Variants in ZNF680 observed in about 807,000 individuals in gnomAD.
The protein encoded by ZNF680 is zinc finger protein 680.
ZNF680 carries 6 observed loss-of-function variants against 12.1 expected under a neutral mutation model. The observed-to-expected ratio is 0.49, with a 90% CI of 0.27 to 0.98. The LOEUF is 0.98. ZNF680 is among the 50% of genes least tolerant of loss of function. The pLI is 0.12. For synonymous variants in ZNF680, 170 were observed against 199.3 expected (o/e 0.85, Z 1.24); for missense variants, 561 against 616.3 (o/e 0.91, Z 0.95).
At chr7:64,552,987 G>A (rs1027317119) in intron 1 of ZNF680, among the ~76,000 whole-genome samples, 8 of 152,094 alleles carry the variant, frequency 5.3e-5, no homozygotes, top group African/African-American at 9.7e-5. Flanking sequence ...CTAGCCAGGC[G>A]TGGTAGCACA....
chr7:64,530,155 T>C (rs6954330), intron 3 of ZNF680, among the ~76,000 whole-genome samples: 34,344 of 152,178 alleles, frequency 0.23, 4,072 homozygotes, highest in South Asian at 0.28. Context: ...AAAAGAGCTC[T>C]AAATCTTGAA....
rs781268020 is a variant in ZNF680 at position 64,563,000 on chromosome 7, G to A, written c.-46C>T. 3 of 1,609,890 alleles carry A rather than the reference G, an allele frequency of 1.9e-6. No homozygotes were observed. Among genetic ancestry groups the A allele is most frequent in the East Asian group, 2.2e-5 (1 of 44,772 alleles). Reference sequence around the variant, plus strand: ...TACCTGCAGATAACGGAGTCACAGAGGCTGGGCCTCTAGGAGCAGAATACA... The same window carrying A: ...TACCTGCAGATAACGGAGTCACAGAAGCTGGGCCTCTAGGAGCAGAATACA... On this transcript the variant is annotated 5_prime_UTR_variant, in exon 1 of 4. Coordinates refer to ENST00000309683, the MANE Select transcript of ZNF680 (RefSeq NM_178558.5).
At position 64,563,040 on chromosome 7, in the gene ZNF680, CTA is replaced by C. The variant is rs1554335710; in HGVS notation, c.-88_-87del. The C allele has an allele frequency of 1.3e-6, 2 of 1,515,812 alleles. No individual in the cohort carries two copies. Among genetic ancestry groups the C allele is most frequent in the Non-Finnish European group, 9.1e-7 (1 of 1,097,134 alleles). 93.9% of individuals were successfully genotyped at this position (1,515,812 alleles called of 1,614,324 possible). On this transcript the variant is annotated 5_prime_UTR_variant, in exon 1 of 4. Coordinates refer to ENST00000309683, the MANE Select transcript of ZNF680 (RefSeq NM_178558.5). ...AGCAGAATACACAGAGCAGTAAAGA[CTA>C]GACCTGGAGCTCCCGCAGCAGCTAG...
At chr7:64,517,653 C>A (rs183362793), downstream of ZNF680, among the ~76,000 whole-genome samples, 24 of 151,828 alleles carry the variant, frequency 1.6e-4, no homozygotes, top group Admixed American at 1.4e-3. Context: ...AAAAAGAAGA[C>A]TACAGACTGA....
intron 3 of ZNF680, among the ~76,000 whole-genome samples, chr7:64,531,475 T>C (rs529942635): frequency 1.2e-4 from 18 of 151,686 alleles, no homozygotes; most frequent in African/African-American, 4.4e-4. Context: ...CGGGTGCCTG[T>C]AGTCCCAGCT....
At chr7:64,525,881 C>G (rs1283962423) in intron 3 of ZNF680, 6 of 984,852 alleles carry the variant, frequency 6.1e-6, no homozygotes, top group Non-Finnish European at 7.2e-6. Flanking sequence ...CAGAAATATA[C>G]AAGTCATAAA....
intron 3 of ZNF680, among the ~76,000 whole-genome samples, chr7:64,536,689 ACTT>A (rs1247320727): frequency 6.6e-6 from 1 of 152,134 alleles, no homozygotes; most frequent in Admixed American, 6.6e-5. Flanking sequence ...CTCATAAAAA[ACTT>A]CTCAGTCAAA....
chr7:64,519,629 T>C (rs545481475), downstream of ZNF680, among the ~76,000 whole-genome samples: 1 of 152,026 alleles, frequency 6.6e-6, no homozygotes, highest in African/African-American at 2.4e-5. Context: ...GGTAATGTGA[T>C]GCCTCCAGAT....
intron 1 of ZNF680, among the ~76,000 whole-genome samples, 171 bp downstream of exon 1, chr7:64,562,754 C>T (rs779398243): frequency 6.6e-6 from 1 of 152,194 alleles, no homozygotes; most frequent in Non-Finnish European, 1.5e-5. Flanking sequence ...GGCTGTCAGC[C>T]CAGCCGCCAT....
At chr7:64,537,536 G>GA (rs976611183) in intron 3 of ZNF680, among the ~76,000 whole-genome samples, 5 of 150,818 alleles carry the variant, frequency 3.3e-5, no homozygotes, top group Non-Finnish European at 5.9e-5. Context: ...AAACAACCAT[G>GA]AAAAAAAAGC....
At chr7:64,502,299 C>T in the ZNF680 span, among the ~76,000 whole-genome samples, 1 of 152,162 alleles carries the variant, frequency 6.6e-6, no homozygotes, top group East Asian at 1.9e-4. Flanking sequence ...GCATGAGCCA[C>T]CTTGCCCGGC....
downstream of ZNF680, among the ~76,000 whole-genome samples, chr7:64,517,167 G>T (rs374392703): frequency 1.1e-3 from 164 of 151,870 alleles, 1 homozygote; most frequent in African/African-American, 3.8e-3. Context: ...CATAAACCTG[G>T]TTTTTTAAAG....
chr7:64,526,419 G>A (rs1791846209), intron 3 of ZNF680: 1 of 1,492,180 alleles, frequency 6.7e-7, no homozygotes. Flanking sequence ...GCCTGGCAAA[G>A]TGGATTATTT....
the ZNF680 span, among the ~76,000 whole-genome samples, chr7:64,506,686 AATT>A: frequency 6.6e-6 from 1 of 152,148 alleles, no homozygotes; most frequent in Non-Finnish European, 1.5e-5. Context: ...AATTTCTAAA[AATT>A]TTTTATTTAA....
At chr7:64,500,902 T>TG in the ZNF680 span, 1 of 594,220 alleles carries the variant, frequency 1.7e-6, no homozygotes, top group Non-Finnish European at 3.3e-6. Flanking sequence ...TCAACACTCT[T>TG]GTGGTCAAGA....
intron 3 of ZNF680, among the ~76,000 whole-genome samples, chr7:64,532,102 G>A (rs1287852567): frequency 6.6e-6 from 1 of 152,156 alleles, no homozygotes; most frequent in Non-Finnish European, 1.5e-5. Flanking sequence ...TCAGGCGACT[G>A]AGACCATCCT....
At chr7:64,535,123 A>T (rs1786091704) in intron 3 of ZNF680, among the ~76,000 whole-genome samples, 1 of 152,130 alleles carries the variant, frequency 6.6e-6, no homozygotes, top group Non-Finnish European at 1.5e-5. Context: ...TTACTCATGG[A>T]ACCAAACACC....
chr7:64,563,045 C>T lies in ZNF680; in HGVS notation c.-91G>A. The T allele has an allele frequency of 6.8e-7, 1 of 1,467,484 alleles. No homozygotes were observed. The highest frequency in any genetic ancestry group is 9.5e-7 in the Non-Finnish European group (1 of 1,055,692). The allele number at this position is 1,467,484 out of a possible 1,614,324, so 90.9% of individuals were successfully genotyped here. The stretch of plus-strand genomic sequence containing the variant: ...AATACACAGAGCAGTAAAGACTAGA[C>T]CTGGAGCTCCCGCAGCAGCTAGAGA... On this transcript the variant is annotated 5_prime_UTR_variant, in exon 1 of 4. Transcript: ENST00000309683.
the ZNF680 span, among the ~76,000 whole-genome samples, chr7:64,502,214 T>C: frequency 2.0e-5 from 3 of 152,048 alleles, no homozygotes; most frequent in African/African-American, 4.8e-5. Context: ...TGTTTCACCA[T>C]GTTGGCCAGG....
Sources: allele counts gnomAD v4.1 joint callset (sites outside exome capture counted in the v4.1 genomes callset), GRCh38; gene constraint gnomAD v4.1.1; transcripts MANE v1.5; gene names NCBI Gene and HGNC (gene_info 2026-07-23, HGNC 2026-07-21).